The following PPP2R1A variants were observed in gnomAD, a reference collection of about 807,000 sequenced individuals.
The protein encoded by PPP2R1A is serine/threonine-protein phosphatase 2A 65 kDa regulatory subunit A alpha isoform.
Under a neutral mutation model 67.1 loss-of-function variants are expected in PPP2R1A, and 15 were observed. The observed-to-expected ratio is 0.22, with a 90% CI of 0.15 to 0.34. PPP2R1A has a LOEUF of 0.34. Among genes scored for constraint, PPP2R1A ranks in the 10% least tolerant of loss-of-function variants. PPP2R1A has a pLI of 1.00. For synonymous variants in PPP2R1A, 337 were observed against 325.0 expected (o/e 1.04, Z -0.40); for missense variants, 369 against 775.0 (o/e 0.48, Z 6.22).
At chr19:52,197,787 G>A (rs1350225195) in intron 1 of PPP2R1A, among the ~76,000 whole-genome samples, 3 of 152,214 alleles carry the variant, frequency 2.0e-5, no homozygotes, top group East Asian at 1.9e-4. Context: ...CCAGTAAGCT[G>A]TATGCAGTTA....
At chr19:52,197,025 C>T (rs1600157957) in intron 1 of PPP2R1A, among the ~76,000 whole-genome samples, 1 of 152,136 alleles carries the variant, frequency 6.6e-6, no homozygotes, top group Admixed American at 6.5e-5. Context: ...CAGCTGAAAA[C>T]CAAGGATTAT....
chr19:52,223,535 A>G (rs1186474126), intron 13 of PPP2R1A, among the ~76,000 whole-genome samples: 1 of 152,250 alleles, frequency 6.6e-6, no homozygotes, highest in African/African-American at 2.4e-5. Context: ...AGGCAAGACA[A>G]GAAAGAGATG....
chr19:52,229,197 C>A lies in PPP2R1A; in HGVS notation c.*3216C>A, dbSNP rs1225012940. 1 of 152,326 alleles carries A rather than the reference C, an allele frequency of 6.6e-6. No homozygotes were observed. The highest frequency in any genetic ancestry group is 1.9e-4 in the East Asian group (1 of 5,194). The allele number at this position is 152,326 out of a possible 1,614,324, so 9.4% of individuals were successfully genotyped here. A position where few individuals can be genotyped will look rare whatever the true frequency, so the allele number is the denominator to read the frequency against. The stretch of plus-strand genomic sequence containing the variant: ...GTGGCTCGCACCTGTAATCCCAGCG[C>A]TTTGGGAGGCCGAGGTGGGCGGATC... On this transcript the variant is annotated 3_prime_UTR_variant, in exon 15 of 15. Coordinates refer to ENST00000322088, the MANE Select transcript of PPP2R1A (RefSeq NM_014225.6).
chr19:52,205,887 G>C, intron 2 of PPP2R1A, 76 bp from the exon 3 acceptor site: 2 of 1,188,058 alleles, frequency 1.7e-6, no homozygotes, highest in South Asian at 1.3e-5. Flanking sequence ...AAGCAGAATG[G>C]AGTCCATGTG....
chr19:52,223,211 C>T (rs9917069), intron 13 of PPP2R1A, among the ~76,000 whole-genome samples: 29,859 of 152,022 alleles, frequency 0.2, 3,122 homozygotes, highest in South Asian at 0.24. Context: ...ATTTGATATC[C>T]ATTTAGGAAT....
chr19:52,202,942 A>G (rs1241945453), intron 2 of PPP2R1A, among the ~76,000 whole-genome samples: 6 of 152,260 alleles, frequency 3.9e-5, no homozygotes, highest in Non-Finnish European at 8.8e-5. Flanking sequence ...GATGTAGGTA[A>G]AGCATTTAAT....
intron 10 of PPP2R1A, 53 bp from the exon 11 acceptor site, chr19:52,220,136 C>T (rs1379112683): frequency 6.3e-7 from 1 of 1,575,662 alleles, no homozygotes; most frequent in Non-Finnish European, 8.7e-7. Flanking sequence ...TAGCAGCTCC[C>T]CCTGTTTGCT....
chr19:52,202,309 T>A (rs1431557539), intron 2 of PPP2R1A, among the ~76,000 whole-genome samples: 1 of 152,328 alleles, frequency 6.6e-6, no homozygotes, highest in South Asian at 2.1e-4. Flanking sequence ...TTAGACAAGT[T>A]AGTTTACCTG....
Position 52,228,330 on chromosome 19 carries a change from C to T in PPP2R1A, c.*2349C>T, listed in dbSNP as rs533448441. The T allele has an allele frequency of 6.6e-6, 1 of 152,156 alleles. No individual in the cohort carries two copies. Among genetic ancestry groups the T allele is most frequent in the East Asian group, 1.9e-4 (1 of 5,176 alleles). The allele number at this position is 152,156 out of a possible 1,614,324, so 9.4% of individuals were successfully genotyped here. ...TTGAGTTATTGAACGCTGGCAGAGT[C>T]CTGAGTTAACCAGGAGTTGCCTGGT... is the stretch of plus-strand genomic sequence containing the variant. On this transcript the variant is annotated 3_prime_UTR_variant, in exon 15 of 15. Transcript: ENST00000322088.
intron 12 of PPP2R1A, 148 bp from the exon 13 acceptor site, chr19:52,221,951 G>A (rs1600173553): frequency 5.7e-6 from 4 of 700,562 alleles, no homozygotes; most frequent in Non-Finnish European, 9.2e-6. Context: ...TAGTGGAGTT[G>A]GGAGATTCAC....
intron 2 of PPP2R1A, among the ~76,000 whole-genome samples, chr19:52,204,322 A>C (rs2089581025): frequency 6.6e-6 from 1 of 152,012 alleles, no homozygotes; most frequent in Non-Finnish European, 1.5e-5. Flanking sequence ...GATTTCTTTT[A>C]CACCTGAAAG....
At chr19:52,220,356 C>A in intron 11 of PPP2R1A, 107 bp downstream of exon 11, 1 of 1,210,560 alleles carries the variant, frequency 8.3e-7, no homozygotes, top group Non-Finnish European at 1.2e-6. Flanking sequence ...TCACTCCCCA[C>A]GCCGCTGGAT....
rs1364974514 is a variant in PPP2R1A, at chr19:52,225,801, T to C, written c.1746T>C (p.Ala582=). 2 of 1,614,042 alleles carry C rather than the reference T, an allele frequency of 1.2e-6. No individual in the cohort carries two copies. The highest frequency in any genetic ancestry group is 1.7e-5 in the Admixed American group (1 of 60,024). ...ACGTCAAATACTTTGCCCAGGAGGC[T>C]CTGACTGGTAAGACCTAGAAAGCAC... is the stretch of plus-strand genomic sequence containing the variant. ...DVDVKYFAQE[A]LTVLSLA Residue 582 remains alanine (A), a synonymous_variant, in exon 14 of 15, where the codon GCT becomes GCC. Coordinates refer to ENST00000322088, the MANE Select transcript of PPP2R1A (RefSeq NM_014225.6).
intron 1 of PPP2R1A, among the ~76,000 whole-genome samples, chr19:52,194,874 G>A (rs1245885240): frequency 1.3e-5 from 2 of 152,178 alleles, no homozygotes; most frequent in Admixed American, 6.5e-5. Context: ...GAGGAAATGG[G>A]GCATCTGGGG....
chr19:52,211,253 A>G lies in PPP2R1A; in HGVS notation c.271-7A>G, dbSNP rs768722887. On this transcript the variant is annotated splice_polypyrimidine_tract_variant and splice_region_variant and intron_variant, in intron 3 of 14. Transcript: ENST00000322088. The surrounding 1 kb of genome is among the most constrained non-coding windows in gnomAD (Gnocchi z 5.3). Reference sequence around the variant, plus strand: ...AGCTGTCCAGTGACTTTGTGTTCTCACCACAGCCACCGCTGGAGTCGCTGG... The same window carrying G: ...AGCTGTCCAGTGACTTTGTGTTCTCGCCACAGCCACCGCTGGAGTCGCTGG... The G allele has an allele frequency of 6.2e-6, 10 of 1,611,100 alleles. No homozygotes were observed. The highest frequency in any genetic ancestry group is 3.3e-5 in the South Asian group (3 of 90,880).
rs1979318509 is a variant in PPP2R1A at position 52,227,234 on chromosome 19, G to T, written c.*1253G>T. 1 of 152,174 alleles carries T rather than the reference G, an allele frequency of 6.6e-6. No individual in the cohort carries two copies. The highest frequency in any genetic ancestry group is 2.1e-4 in the South Asian group (1 of 4,824). 9.4% of individuals were successfully genotyped at this position (152,174 alleles called of 1,614,324 possible). A position where few individuals can be genotyped will look rare whatever the true frequency, so the allele number is the denominator to read the frequency against. On this transcript the variant is annotated 3_prime_UTR_variant, in exon 15 of 15. Transcript: ENST00000322088. ...AGGAAGTGTTCTTAAGGGGGAAGGC[G>T]TCATCCCCCACCTTTCCTCCTTCCT...
chr19:52,216,728 A>T lies in PPP2R1A; in HGVS notation c.1128+65A>T. ...GACAGGCGGGTCTTCCTAGATTGCT[A>T]GGGTTTACCTAGATTGACCAGGAAT... On this transcript the variant is annotated intron_variant, in intron 9 of 14. Transcript: ENST00000322088. The surrounding 1 kb of genome is among the most constrained non-coding windows in gnomAD (Gnocchi z 4.3). The T allele has an allele frequency of 1.2e-6, 2 of 1,607,256 alleles. No individual in the cohort carries two copies. Among genetic ancestry groups the T allele is most frequent in the Non-Finnish European group, 1.7e-6 (2 of 1,174,714 alleles).
At chr19:52,220,571 A>C (rs1978854466) in intron 11 of PPP2R1A, among the ~76,000 whole-genome samples, 1 of 152,172 alleles carries the variant, frequency 6.6e-6, no homozygotes, top group Non-Finnish European at 1.5e-5. Flanking sequence ...CCCCACACTC[A>C]TTCTTTGAAA....
intron 1 of PPP2R1A, 188 bp downstream of exon 1, chr19:52,190,362 G>A: frequency 1.5e-6 from 1 of 682,430 alleles, no homozygotes; most frequent in Non-Finnish European, 2.5e-6. Context: ...TGTCGGCCCA[G>A]TGGAGGGCGG....
Sources: allele counts gnomAD v4.1 joint callset (sites outside exome capture counted in the v4.1 genomes callset), GRCh38; gene constraint gnomAD v4.1.1; non-coding constraint Gnocchi (gnomAD v3.1); transcripts MANE v1.5; gene names NCBI Gene and HGNC (gene_info 2026-07-23, HGNC 2026-07-21).